Variants in THSD4 observed in about 807,000 individuals in gnomAD.
THSD4 encodes the protein thrombospondin type-1 domain-containing protein 4.
Under a neutral mutation model 119.0 loss-of-function variants are expected in THSD4, and 69 were observed. The ratio of observed to expected loss-of-function variants is 0.58; its 90% CI spans 0.48 to 0.71. THSD4 has a LOEUF of 0.71. Ranked by LOEUF, THSD4 falls within the 30% of genes least tolerant of loss-of-function variation. The probability of loss-of-function intolerance (pLI) is 0.00; values close to 1 mark genes in which losing one functional copy is unlikely to be tolerated. For synonymous variants in THSD4, 524 were observed against 540.4 expected, an observed-to-expected ratio of 0.97 and a Z score of 0.42; for missense variants, 1,393 against 1,391.1, an observed-to-expected ratio of 1.00 and a Z score of -0.02.
chr15:71,508,502 G>A (rs535268773), intron 7 of THSD4, among the ~76,000 whole-genome samples: 9 of 152,228 alleles, frequency 5.9e-5, no homozygotes, highest in Admixed American at 3.9e-4. Flanking sequence ...CAAAGTCACC[G>A]CACTGAAAAT....
chr15:71,427,406 A>G (rs140271948), intron 7 of THSD4, among the ~76,000 whole-genome samples: 1 of 151,938 alleles, frequency 6.6e-6, no homozygotes, highest in Non-Finnish European at 1.5e-5. Flanking sequence ...CATTCAACAA[A>G]TATTATGATG....
At chr15:71,500,251 A>G (rs1051477840) in intron 7 of THSD4, among the ~76,000 whole-genome samples, 55 of 152,044 alleles carry the variant, frequency 3.6e-4, no homozygotes, top group African/African-American at 1.0e-3. Context: ...ACACCTTTTC[A>G]TGCACCTATT....
intron 1 of THSD4, among the ~76,000 whole-genome samples, chr15:71,105,508 C>G (rs2040270548): frequency 2.0e-5 from 3 of 152,004 alleles, no homozygotes; most frequent in Admixed American, 2.0e-4. Context: ...GTGTTGAGTC[C>G]CATCCTGAGG....
At chr15:71,694,827 C>T (rs1232041296) in intron 8 of THSD4, among the ~76,000 whole-genome samples, 1 of 152,050 alleles carries the variant, frequency 6.6e-6, no homozygotes, top group African/African-American at 2.4e-5. Context: ...ACACTAGACC[C>T]CACAGGACCA....
rs555323117 is a variant in THSD4, at chr15:71,588,493, T to A, written c.1153-72037T>A. 2.6e-5 allele frequency among the ~76,000 whole-genome samples: 4 copies of A among 152,238 alleles called. 1 individual carries two copies. The highest frequency in any genetic ancestry group is 9.6e-5 in the African/African-American group (4 of 41,542). On this transcript the variant is annotated intron_variant, in intron 7 of 17. Transcript: ENST00000261862. ...GAATGGAGTACAGTGATGCAGTCTCTGCTTACCACAGCCTCGACCTCCTAA... is the reference window on the plus strand; with the variant it reads ...GAATGGAGTACAGTGATGCAGTCTCAGCTTACCACAGCCTCGACCTCCTAA...
At chr15:71,647,616 A>G (rs2050996654) in intron 7 of THSD4, among the ~76,000 whole-genome samples, 1 of 152,216 alleles carries the variant, frequency 6.6e-6, no homozygotes, top group Non-Finnish European at 1.5e-5. Flanking sequence ...ACGTCGCCCA[A>G]GGAACCTGAT....
chr15:71,165,037 C>T (rs2043282192), intron 3 of THSD4: 1 of 1,590,862 alleles, frequency 6.3e-7, no homozygotes, highest in African/African-American at 1.3e-5. Context: ...CTCCCAGTTT[C>T]TTCGCAACAT....
At chr15:71,764,086 A>G (rs28556992) in intron 15 of THSD4, among the ~76,000 whole-genome samples, 4,315 of 150,126 alleles carry the variant, frequency 0.029, 202 homozygotes, top group African/African-American at 0.1. Context: ...ATAAATAAAT[A>G]AAAGAACGAA....
intron 3 of THSD4, among the ~76,000 whole-genome samples, chr15:71,208,086 T>C (rs2043859850): frequency 6.6e-6 from 1 of 152,228 alleles, no homozygotes; most frequent in African/African-American, 2.4e-5. Context: ...TTTGGTCTGC[T>C]GGTCAATTTG....
In THSD4 at chr15:71,330,856, T is replaced by A. The variant is rs558217594; in HGVS notation, c.1015+74141T>A. ...TGCCAAGAGTAAGAGAGCGACTAGG[T>A]TGGTAAGTAATTTCAAATAAAACAG... On this transcript the variant is annotated intron_variant, in intron 6 of 17. Transcript: ENST00000261862. Among the ~76,000 whole-genome samples the A allele has an allele frequency of 4.3e-4, 66 of 152,178 alleles. 3 individuals are homozygous for A. In the South Asian group the frequency reaches 0.013, roughly 31 times the overall value.
intron 6 of THSD4, among the ~76,000 whole-genome samples, chr15:71,303,666 G>A (rs1187997471): frequency 6.6e-6 from 1 of 152,062 alleles, no homozygotes; most frequent in African/African-American, 2.4e-5. Flanking sequence ...TGCATTCAGT[G>A]CCCTCTCTAG....
chr15:71,165,560 GC>G (rs1394987009), intron 3 of THSD4: 1 of 650,664 alleles, frequency 1.5e-6, no homozygotes, highest in African/African-American at 1.8e-5. Context: ...CATAGCAAGA[GC>G]CTTTTTCCTG....
intron 7 of THSD4, among the ~76,000 whole-genome samples, chr15:71,556,049 T>C (rs373154876): frequency 5.1e-4 from 78 of 152,360 alleles, no homozygotes; most frequent in African/African-American, 1.6e-3. Flanking sequence ...TTAATTACTA[T>C]GGCCTTATAA....
intron 7 of THSD4, among the ~76,000 whole-genome samples, chr15:71,536,485 T>A (rs2048690533): frequency 6.6e-6 from 1 of 152,216 alleles, no homozygotes; most frequent in Admixed American, 6.5e-5. Context: ...CACCTTGTTT[T>A]CCCTTTGCTA....
At chr15:71,105,216 C>T (rs887557141) in intron 1 of THSD4, among the ~76,000 whole-genome samples, 1 of 152,144 alleles carries the variant, frequency 6.6e-6, no homozygotes, top group East Asian at 1.9e-4. Flanking sequence ...GTACTTTTGA[C>T]CAACCAGCTG....
intron 7 of THSD4, among the ~76,000 whole-genome samples, chr15:71,425,211 A>C (rs6494925): frequency 0.98 from 148,875 of 152,236 alleles, 72,884 homozygotes; most frequent in Middle Eastern, 1. Context: ...TTACAGTGAC[A>C]CAGTCAGAGA....
intron 7 of THSD4, among the ~76,000 whole-genome samples, chr15:71,486,470 A>C (rs565757608): frequency 2.0e-4 from 30 of 152,330 alleles, no homozygotes; most frequent in African/African-American, 7.0e-4. Context: ...CTATCCGTAA[A>C]TGCCCATTCT....
At chr15:71,635,889 A>G (rs2050729794) in intron 7 of THSD4, among the ~76,000 whole-genome samples, 1 of 152,190 alleles carries the variant, frequency 6.6e-6, no homozygotes, top group South Asian at 2.1e-4. Flanking sequence ...CATTTTATAG[A>G]TGAGGAAACT....
At chr15:71,504,303 G>A (rs1248337869) in intron 7 of THSD4, among the ~76,000 whole-genome samples, 1 of 152,158 alleles carries the variant, frequency 6.6e-6, no homozygotes, top group Non-Finnish European at 1.5e-5. Context: ...ATCCATGAGG[G>A]AATGAATGAA....
Sources: gnomAD v4.1 joint callset for allele counts (sites outside exome capture counted in the v4.1 genomes callset) on GRCh38, gnomAD v4.1.1 for gene constraint, MANE v1.5 for transcripts, NCBI Gene and HGNC (gene_info 2026-07-23, HGNC 2026-07-21) for gene names.